Variants in PSMA2 observed in about 807,000 individuals in gnomAD.
PSMA2 encodes the protein proteasome 20S subunit alpha 2.
A neutral mutation model predicts 35.9 loss-of-function variants in PSMA2; 2 were observed. The observed-to-expected ratio is 0.06, with a 90% CI of 0.02 to 0.18. PSMA2 has a LOEUF of 0.18. Among genes scored for constraint, PSMA2 ranks in the 10% least tolerant of loss-of-function variants. PSMA2 has a pLI of 1.00. For synonymous variants in PSMA2, 97 were observed against 98.2 expected (o/e 0.99, Z 0.07); for missense variants, 126 against 278.8 (o/e 0.45, Z 3.90).
chr7:42,917,784 G>T lies in PSMA2; in HGVS notation c.582C>A (p.Thr194=). The part of the protein sequence containing the change: ...LEDAIHTAIL[T]LKESFEGQMT... ...TGTTGAATACTGAGCTAACCTTTAGGGTTAAGATGGCTGTATGAATGGCAT... is the reference window on the plus strand; with the variant it reads ...TGTTGAATACTGAGCTAACCTTTAGTGTTAAGATGGCTGTATGAATGGCAT... Residue 194 remains threonine (T), a synonymous_variant, in exon 7 of 8, where the codon ACC becomes ACA. Coordinates refer to ENST00000223321, the MANE Select transcript of PSMA2 (RefSeq NM_002787.5). 6.2e-7 allele frequency: 1 copy of T among 1,609,452 alleles called. No individual in the cohort carries two copies. The highest frequency in any genetic ancestry group is 8.5e-7 in the Non-Finnish European group (1 of 1,177,110).
At chr7:42,928,914 C>T (rs1234206844) in intron 1 of PSMA2, among the ~76,000 whole-genome samples, 2 of 152,106 alleles carry the variant, frequency 1.3e-5, no homozygotes, top group Non-Finnish European at 2.9e-5. Context: ...AAGTTGAATA[C>T]CTATTCACTG....
rs753417947 is a variant in PSMA2, at chr7:42,924,690, T to G, written c.359A>C (p.Glu120Ala). The change falls in exon 4 of 8, where the codon GAA becomes GCA. Residue 120 changes from glutamate (E) to alanine (A), a missense_variant. Around this residue, in one of 3 missense-constraint regions of PSMA2, gnomAD observed 78 missense variants for 151.1 expected, o/e 0.52. Coordinates refer to ENST00000223321, the MANE Select transcript of PSMA2 (RefSeq NM_002787.5). ...LVQRVASVMQ[E>A]YTQSGGVRPF... ...AGCAACTTACCCTGACTGAGTATAT[T>G]CTTGCATCACAGAAGCTACTCTCTG... is the stretch of plus-strand genomic sequence containing the variant. 1 of 1,612,512 alleles carries G rather than the reference T, an allele frequency of 6.2e-7. No homozygotes were observed. Among genetic ancestry groups the G allele is most frequent in the Admixed American group, 1.7e-5 (1 of 59,976 alleles).
chr7:42,919,296 G>A (rs1333104369), intron 6 of PSMA2: 3 of 611,540 alleles, frequency 4.9e-6, no homozygotes, highest in Non-Finnish European at 9.6e-6. Context: ...ATTTCACAAA[G>A]TGTGGGATGC....
chr7:42,925,648 C>A (rs1786200908), intron 3 of PSMA2, among the ~76,000 whole-genome samples: 1 of 152,162 alleles, frequency 6.6e-6, no homozygotes, highest in Admixed American at 6.5e-5. Flanking sequence ...ATATAACAAT[C>A]AAATATATTA....
chr7:42,926,515 A>T, intron 3 of PSMA2, 21 bp downstream of exon 3: 1 of 1,548,798 alleles, frequency 6.5e-7, no homozygotes. Flanking sequence ...GGTGAGAAAC[A>T]CTATAAAAAG....
At chr7:42,919,973 A>G in intron 6 of PSMA2, 1 of 742,886 alleles carries the variant, frequency 1.3e-6, no homozygotes. Context: ...CCTGAAGAAG[A>G]TACTGGTGAG....
chr7:42,924,667 C>A lies in PSMA2; in HGVS notation c.374+8G>T. On this transcript the variant is annotated splice_region_variant and intron_variant, in intron 4 of 7. Transcript: ENST00000223321. ...CATGGCACATTTCAAGTAAAAAAAGCAACTTACCCTGACTGAGTATATTCT... is the reference window on the plus strand; with the variant it reads ...CATGGCACATTTCAAGTAAAAAAAGAAACTTACCCTGACTGAGTATATTCT... 6.2e-7 allele frequency: 1 copy of A among 1,602,832 alleles called. No individual in the cohort carries two copies. Among genetic ancestry groups the A allele is most frequent in the Non-Finnish European group, 8.5e-7 (1 of 1,175,116 alleles).
At chr7:42,919,467 C>A in intron 6 of PSMA2, 1 of 530,902 alleles carries the variant, frequency 1.9e-6, no homozygotes, top group Non-Finnish European at 3.7e-6. Context: ...AATTAGTGAT[C>A]ACAGCTCTGA....
intron 6 of PSMA2, chr7:42,919,993 C>G: frequency 1.4e-6 from 1 of 727,674 alleles, no homozygotes; most frequent in Admixed American, 1.8e-5. Context: ...GCTGGCAAAG[C>G]CAAAGATTGG....
chr7:42,918,877 G>A, intron 6 of PSMA2: 1 of 176,948 alleles, frequency 5.7e-6, no homozygotes, highest in Non-Finnish European at 1.2e-5. Context: ...AGGCTGGAGT[G>A]CAGTGGTGCA....
chr7:42,926,917 T>C (rs553360525), intron 2 of PSMA2, among the ~76,000 whole-genome samples: 4 of 152,330 alleles, frequency 2.6e-5, no homozygotes, highest in East Asian at 1.9e-4. Context: ...TGTAAAGCAC[T>C]CTAAGGATAC....
At chr7:42,931,775 T>C (rs1275086129) in intron 1 of PSMA2, among the ~76,000 whole-genome samples, 1 of 151,878 alleles carries the variant, frequency 6.6e-6, no homozygotes, top group Non-Finnish European at 1.5e-5. Context: ...AGGAAAAAAA[T>C]CCTGAGTTCG....
rs1002587785 is a variant in PSMA2 at position 42,924,229 on chromosome 7, C to T, written c.374+446G>A. On this transcript the variant is annotated intron_variant, in intron 4 of 7. Coordinates refer to ENST00000223321, the MANE Select transcript of PSMA2 (RefSeq NM_002787.5). ...AAAATTAGCTAAGCATGGTGATGCA[C>T]GCCTGTGGTGCCAGCTACTCAGGAG... 4.0e-5 allele frequency among the ~76,000 whole-genome samples: 6 copies of T among 151,014 alleles called. No individual in the cohort carries two copies. The East Asian group carries it at 9.7e-4, about 24-fold the overall frequency.
At chr7:42,932,003 A>C in intron 1 of PSMA2, 115 bp downstream of exon 1, 1 of 1,370,000 alleles carries the variant, frequency 7.3e-7, no homozygotes, top group Non-Finnish European at 1.0e-6. Flanking sequence ...TTCCAACTCC[A>C]TTCCCTACTG....
At chr7:42,927,293 G>C in intron 2 of PSMA2, 90 bp downstream of exon 2, 2 of 1,148,500 alleles carry the variant, frequency 1.7e-6, no homozygotes, top group Non-Finnish European at 2.6e-6. Context: ...TTATACTGCT[G>C]CAGCTCTGTA....
At chr7:42,920,586 C>G (rs1786110962) in intron 6 of PSMA2, 1 of 152,002 alleles carries the variant, frequency 6.6e-6, no homozygotes, top group Non-Finnish European at 1.5e-5. Context: ...AAATAAAATG[C>G]CTCTGAAACA....
At chr7:42,927,532 T>C in intron 1 of PSMA2, 73 bp from the exon 2 acceptor site, 1 of 1,405,952 alleles carries the variant, frequency 7.1e-7, no homozygotes, top group Non-Finnish European at 1.0e-6. Context: ...TCTGAGATAG[T>C]ACAGACATAC....
intron 6 of PSMA2, chr7:42,921,546 A>C (rs1786129278): frequency 9.5e-6 from 2 of 209,600 alleles, no homozygotes; most frequent in African/African-American, 2.3e-5. Context: ...GTTTTATTCC[A>C]GATTCAATGT....
In PSMA2 at chr7:42,921,869, G is replaced by T; in HGVS notation, c.519C>A (p.Phe173Leu). 6.2e-7 allele frequency: 1 copy of T among 1,612,300 alleles called. No individual in the cohort carries two copies. Among genetic ancestry groups the T allele is most frequent in the Non-Finnish European group, 8.5e-7 (1 of 1,178,848 alleles). ...MGKNYVNGKTFLEKRYNEDLE... is the reference protein window; with the variant it reads ...MGKNYVNGKTLLEKRYNEDLE... Reference sequence around the variant, plus strand: ...ATGAGTAGGCCTACCTTTTCTCAAGGAAAGTCTTCCCATTCACATAGTTCT... The same window carrying T: ...ATGAGTAGGCCTACCTTTTCTCAAGTAAAGTCTTCCCATTCACATAGTTCT... The change falls in exon 6 of 8, where the codon TTC (phenylalanine) becomes TTA (leucine). Residue 173 changes from phenylalanine (F) to leucine (L), a missense_variant. Physicochemically the swap from Phe to Leu is conservative, Grantham distance 22. This residue lies in a region of PSMA2 where 42 missense variants were observed against 83.6 expected (regional missense o/e 0.50). Coordinates refer to ENST00000223321, the MANE Select transcript of PSMA2 (RefSeq NM_002787.5).
Sources: allele counts gnomAD v4.1 joint callset (sites outside exome capture counted in the v4.1 genomes callset), GRCh38; gene constraint gnomAD v4.1.1; regional missense constraint gnomAD v4.1.1; transcripts MANE v1.5; gene names NCBI Gene and HGNC (gene_info 2026-07-23, HGNC 2026-07-21).